APEH: variants seen among roughly 807,000 people sequenced by gnomAD.
The protein encoded by APEH is acylamino-acid-releasing enzyme.
In APEH, 75 loss-of-function variants were observed where a neutral mutation model predicts 102.7. The ratio of observed to expected loss-of-function variants is 0.73; its 90% CI spans 0.61 to 0.89. The LOEUF (loss-of-function observed/expected upper bound fraction) is 0.89. Ranked by LOEUF, APEH falls within the 40% of genes least tolerant of loss-of-function variation. The probability of loss-of-function intolerance (pLI) is 0.00; values close to 1 mark genes in which losing one functional copy is unlikely to be tolerated. For missense variants in APEH, 863 were observed against 941.2 expected, an observed-to-expected ratio of 0.92 and a Z score of 1.09; for synonymous variants, 344 against 362.7, an observed-to-expected ratio of 0.95 and a Z score of 0.59.
chr3:49,680,597 C>T lies in APEH; in HGVS notation c.1267C>T (p.Gln423Ter). The T allele has an allele frequency of 6.2e-7, 1 of 1,614,094 alleles. No individual in the cohort carries two copies. Among genetic ancestry groups the T allele is most frequent in the Non-Finnish European group, 8.5e-7 (1 of 1,180,018 alleles). ...LTIDQDLMVA[Q>*]FSTPSLPPTL... ...AATTGACCAGGACCTCATGGTGGCA[C>T]AGTTTTCCACACCCAGCCTACCTCC... Residue 423 changes from glutamine (Q) to a stop codon, truncating the protein, a stop_gained, in exon 14 of 22, where the codon CAG becomes TAG. Coordinates refer to ENST00000296456, the MANE Select transcript of APEH (RefSeq NM_001640.4). LOFTEE classifies it high-confidence loss of function.
rs1334934740 is a variant in APEH, at chr3:49,682,902, G to A, written c.1943G>A (p.Trp648Ter). Reference protein sequence around the residue: ...SSDCLPDLSVWAEMLDKSPIR... With the variant: ...SSDCLPDLSV ...GACTGCCTGCCAGACCTCAGCGTGT[G>A]GGCTGAGATGCTGGACAAATCGCCC... Residue 648 changes from tryptophan to a stop codon, truncating the protein, a stop_gained, in exon 20 of 22, where the codon TGG becomes TAG. Transcript: ENST00000296456. LOFTEE classifies it high-confidence loss of function. 4 of 1,614,050 alleles carry A rather than the reference G, an allele frequency of 2.5e-6. No homozygotes were observed. In the Admixed American group the frequency reaches 5.0e-5, roughly 20 times the overall value.
chr3:49,679,483 T>C lies in APEH; in HGVS notation c.1159-110T>C. Reference sequence around the variant, plus strand: ...CCATCACCATAGCTGTCCACAGCCTTGGTCTGGCCAGGGCTCTCCAAGAGG... The same window carrying C: ...CCATCACCATAGCTGTCCACAGCCTCGGTCTGGCCAGGGCTCTCCAAGAGG... On this transcript the variant is annotated intron_variant, in intron 12 of 21. Coordinates refer to ENST00000296456, the MANE Select transcript of APEH (RefSeq NM_001640.4). This position sits in a 1 kb window ranked among gnomAD's most constrained non-coding sequence, Gnocchi z 4.3. The C allele has an allele frequency of 8.7e-7, 1 of 1,148,072 alleles. No individual in the cohort carries two copies. The highest frequency in any genetic ancestry group is 1.3e-5 in the South Asian group (1 of 76,240). 71.1% of individuals were successfully genotyped at this position (1,148,072 alleles called of 1,614,324 possible).
At chr3:49,681,829 C>T in intron 16 of APEH, 24 bp downstream of exon 16, 1 of 1,610,902 alleles carries the variant, frequency 6.2e-7, no homozygotes, top group Non-Finnish European at 8.5e-7. Flanking sequence ...GTTAAGAGCC[C>T]TTGCCCTCCC....
At chr3:49,675,421 C>T in intron 3 of APEH, 112 bp downstream of exon 3, 2 of 1,444,162 alleles carry the variant, frequency 1.4e-6, no homozygotes, top group Non-Finnish European at 1.9e-6. Context: ...GGTTCTTGCC[C>T]CCTTGGGAGC....
rs2053212708 is a variant in APEH, at chr3:49,679,280, G to A, written c.1159-313G>A. On this transcript the variant is annotated intron_variant, in intron 12 of 21. Coordinates refer to ENST00000296456, the MANE Select transcript of APEH (RefSeq NM_001640.4). This position sits in a 1 kb window ranked among gnomAD's most constrained non-coding sequence, Gnocchi z 4.3. ...GGACAGGACTGAGGCCTTCCCCCAGGGATGGAGTAAAGCCACTCACAGTGT... is the reference window on the plus strand; with the variant it reads ...GGACAGGACTGAGGCCTTCCCCCAGAGATGGAGTAAAGCCACTCACAGTGT... Among the ~76,000 whole-genome samples the A allele has an allele frequency of 6.6e-6, 1 of 152,172 alleles. No homozygotes were observed. Among genetic ancestry groups the A allele is most frequent in the Non-Finnish European group, 1.5e-5 (1 of 68,030 alleles).
rs1224129531 is a variant in APEH at position 49,683,146 on chromosome 3, G to A, written c.2093G>A (p.Arg698Gln). 2.5e-6 allele frequency: 4 copies of A among 1,613,768 alleles called. No homozygotes were observed. The highest frequency in any genetic ancestry group is 1.7e-6 in the Non-Finnish European group (2 of 1,179,856). The change falls in exon 21 of 22, where the codon CGG becomes CAG. Residue 698 changes from arginine (R) to glutamine (Q), a missense_variant and splice_region_variant. Arg to Gln is a conservative substitution (Grantham distance 43). Transcript: ENST00000296456. ...CTCAAGACCCGGAATGTGCCTGTTC[G>A]GTGAGTGCAGCATGAAGGCCCTGGC... ...RALKTRNVPV[R>Q]LLLYPKSTHA...
At position 49,681,793 on chromosome 3, in the gene APEH, G is replaced by A; in HGVS notation, c.1510G>A (p.Val504Ile). 6.2e-7 allele frequency: 1 copy of A among 1,611,952 alleles called. No individual in the cohort carries two copies. The highest frequency in any genetic ancestry group is 8.5e-7 in the Non-Finnish European group (1 of 1,178,536). Residue 504 changes from valine to isoleucine, a missense_variant, in exon 16 of 22, where the codon GTC becomes ATC. Transcript: ENST00000296456. ...AGATAAGACCCAAGTGCCCATGGTG[G>A]TCATGCCCCACGGTAGGCATCTGGC... The part of the protein sequence containing the change: ...PPDKTQVPMV[V>I]MPHGGPHSSF...
intron 11 of APEH, 99 bp downstream of exon 11, chr3:49,677,732 C>T: frequency 8.3e-7 from 1 of 1,201,764 alleles, no homozygotes; most frequent in Non-Finnish European, 1.2e-6. Flanking sequence ...TAGGTTCCTT[C>T]TGAGGGCCCT....
rs2053114061 is a variant in APEH at position 49,677,489 on chromosome 3, G to C, written c.1000-84G>C. On this transcript the variant is annotated intron_variant, in intron 10 of 21. Coordinates refer to ENST00000296456, the MANE Select transcript of APEH (RefSeq NM_001640.4). ...TCCCCCATCTCCTGGGGCTACCTGAGGCAAAAGGGGATAGGCACAGGGCAC... is the reference window on the plus strand; with the variant it reads ...TCCCCCATCTCCTGGGGCTACCTGACGCAAAAGGGGATAGGCACAGGGCAC... 4 of 1,303,000 alleles carry C rather than the reference G, an allele frequency of 3.1e-6. No homozygotes were observed. In the South Asian group the frequency reaches 4.7e-5, roughly 15 times the overall value. 80.7% of individuals were successfully genotyped at this position (1,303,000 alleles called of 1,614,324 possible). A position where few individuals can be genotyped will look rare whatever the true frequency, so the allele number is the denominator to read the frequency against.
intron 17 of APEH, among the ~76,000 whole-genome samples, 171 bp from the exon 18 acceptor site, chr3:49,682,177 G>A (rs2053357192): frequency 6.6e-6 from 1 of 152,266 alleles, no homozygotes; most frequent in Non-Finnish European, 1.5e-5. Flanking sequence ...CAAGGAAAGG[G>A]CGCTGTGGTC....
chr3:49,676,305 G>C, intron 6 of APEH, 73 bp from the exon 7 acceptor site: 1 of 1,612,086 alleles, frequency 6.2e-7, no homozygotes, highest in South Asian at 1.1e-5. Context: ...GTCAGACCTG[G>C]GGAGGCACTA....
intron 16 of APEH, 21 bp downstream of exon 16, chr3:49,681,826 G>A: frequency 6.2e-7 from 1 of 1,610,990 alleles, no homozygotes; most frequent in Non-Finnish European, 8.5e-7. Context: ...GGCGTTAAGA[G>A]CCCTTGCCCT....
rs2053214176 is a variant in APEH, at chr3:49,679,304, G to A, written c.1159-289G>A. Reference sequence around the variant, plus strand: ...GGGATGGAGTAAAGCCACTCACAGTGTGCCAGGCTCCTTTTGGGTGTGATA... The same window carrying A: ...GGGATGGAGTAAAGCCACTCACAGTATGCCAGGCTCCTTTTGGGTGTGATA... On this transcript the variant is annotated intron_variant, in intron 12 of 21. Transcript: ENST00000296456. This position sits in a 1 kb window ranked among gnomAD's most constrained non-coding sequence, Gnocchi z 4.3. Among the ~76,000 whole-genome samples, 2 of 152,204 alleles carry A rather than the reference G, an allele frequency of 1.3e-5. No individual in the cohort carries two copies. The highest frequency in any genetic ancestry group is 4.8e-5 in the African/African-American group (2 of 41,448).
Position 49,682,857 on chromosome 3 carries a change from C to G in APEH, c.1898C>G (p.Ala633Gly). The change falls in exon 20 of 22, where the codon GCT (alanine) becomes GGT (glycine). Residue 633 changes from alanine (A) to glycine (G), a missense_variant. Ala to Gly is a moderately conservative substitution (Grantham distance 60). Coordinates refer to ENST00000296456, the MANE Select transcript of APEH (RefSeq NM_001640.4). ...TDIPDWCVVEAGFPFSSDCLP... is the reference protein window; with the variant it reads ...TDIPDWCVVEGGFPFSSDCLP... ...GTGTCTTGCAGGTGCGTGGTGGAGGCTGGCTTTCCTTTCAGCAGTGACTGC... is the reference window on the plus strand; with the variant it reads ...GTGTCTTGCAGGTGCGTGGTGGAGGGTGGCTTTCCTTTCAGCAGTGACTGC... 6.2e-7 allele frequency: 1 copy of G among 1,614,084 alleles called. No individual in the cohort carries two copies. Among genetic ancestry groups the G allele is most frequent in the Non-Finnish European group, 8.5e-7 (1 of 1,180,038 alleles).
Position 49,679,803 on chromosome 3 carries a change from C to A in APEH, c.1210+159C>A. On this transcript the variant is annotated intron_variant, in intron 13 of 21. Coordinates refer to ENST00000296456, the MANE Select transcript of APEH (RefSeq NM_001640.4). The surrounding 1 kb of genome is among the most constrained non-coding windows in gnomAD (Gnocchi z 4.3). Reference sequence around the variant, plus strand: ...GCCTTTACTAACAGGTCCCCAAGGCCCCTGTCTGTGCAGACCCTTACCCAA... The same window carrying A: ...GCCTTTACTAACAGGTCCCCAAGGCACCTGTCTGTGCAGACCCTTACCCAA... The A allele has an allele frequency of 1.4e-6, 1 of 722,556 alleles. No homozygotes were observed. The highest frequency in any genetic ancestry group is 2.3e-6 in the Non-Finnish European group (1 of 428,720). 44.8% of individuals were successfully genotyped at this position (722,556 alleles called of 1,614,324 possible). A position where few individuals can be genotyped will look rare whatever the true frequency, so the allele number is the denominator to read the frequency against.
chr3:49,675,232 C>T lies in APEH; in HGVS notation c.195C>T (p.Arg65=), dbSNP rs2052971290. 6.2e-7 allele frequency: 1 copy of T among 1,614,108 alleles called. No individual in the cohort carries two copies. Among genetic ancestry groups the T allele is most frequent in the Non-Finnish European group, 8.5e-7 (1 of 1,179,992 alleles). Residue 65 remains arginine, a synonymous_variant, in exon 3 of 22, where the codon CGC becomes CGT. Transcript: ENST00000296456. ...LERMENIRFC[R]QYLVFHDGDS... ...GCATGGAGAACATTCGATTCTGCCG[C>T]CAATACCTGGTGTTCCATGACGGGG...
At position 49,682,328 on chromosome 3, in the gene APEH, T is replaced by C; in HGVS notation, c.1604-20T>C. 1 of 1,600,860 alleles carries C rather than the reference T, an allele frequency of 6.2e-7. No individual in the cohort carries two copies. Among genetic ancestry groups the C allele is most frequent in the Non-Finnish European group, 8.6e-7 (1 of 1,169,286 alleles). ...GGGAATGTTGCCTGACTACACTGTC[T>C]GGTCCCTCCCTGCCCTCAGTGAACT... On this transcript the variant is annotated intron_variant, in intron 17 of 21. Coordinates refer to ENST00000296456, the MANE Select transcript of APEH (RefSeq NM_001640.4).
At chr3:49,680,119 T>A (rs1008492966) in intron 13 of APEH, 3 of 260,802 alleles carry the variant, frequency 1.2e-5, no homozygotes, top group African/African-American at 6.7e-5. Flanking sequence ...GTCCTCCACC[T>A]GACCTGACTG....
rs773034464 is a variant in APEH at position 49,676,802 on chromosome 3, A to G, written c.862A>G (p.Ile288Val). 6 of 1,614,116 alleles carry G rather than the reference A, an allele frequency of 3.7e-6. No homozygotes were observed. The East Asian group carries it at 1.3e-4, about 36-fold the overall frequency. The change falls in exon 9 of 22, where the codon ATC becomes GTC. Residue 288 changes from isoleucine (I) to valine (V), a missense_variant. Ile to Val is a conservative substitution (Grantham distance 29). Coordinates refer to ENST00000296456, the MANE Select transcript of APEH (RefSeq NM_001640.4). ...RRSALYYVDL[I>V]GGKCELLSDD... ...GTCAGCCCTGTATTATGTGGACCTC[A>G]TCGGGGGGAAGTGTGGTAAGTGGCT...
Sources: allele counts gnomAD v4.1 joint callset (sites outside exome capture counted in the v4.1 genomes callset), GRCh38; gene constraint gnomAD v4.1.1; non-coding constraint Gnocchi (gnomAD v3.1); transcripts MANE v1.5; gene names NCBI Gene and HGNC (gene_info 2026-07-23, HGNC 2026-07-21).